The following EYA2 variants were observed in gnomAD, a reference collection of about 807,000 sequenced individuals.
The protein encoded by EYA2 is protein phosphatase EYA2.
In EYA2, 31 loss-of-function variants were observed where a neutral mutation model predicts 69.2. That is an observed-to-expected ratio of 0.45 (90% CI 0.34 to 0.60). The LOEUF is 0.60. Among genes scored for constraint, EYA2 ranks in the 20% least tolerant of loss-of-function variants. The pLI, the probability that EYA2 is intolerant of heterozygous loss-of-function variation, is 0.02. For synonymous variants in EYA2, 257 were observed against 279.4 expected (o/e 0.92, Z 0.80); for missense variants, 622 against 701.2 (o/e 0.89, Z 1.28).
intron 8 of EYA2, among the ~76,000 whole-genome samples, chr20:47,093,424 G>C (rs1294702658): frequency 1.3e-5 from 2 of 151,844 alleles, no homozygotes; most frequent in African/African-American, 4.9e-5. Flanking sequence ...CTCATCAGCA[G>C]CTTTCTCACA....
intron 5 of EYA2, among the ~76,000 whole-genome samples, chr20:47,051,611 T>A (rs2030333949): frequency 6.6e-6 from 1 of 152,246 alleles, no homozygotes; most frequent in South Asian, 2.1e-4. Context: ...CCTTCTCTGA[T>A]GACCCAACCC....
intron 1 of EYA2, among the ~76,000 whole-genome samples, chr20:46,952,796 A>C (rs1389296431): frequency 6.6e-6 from 1 of 152,200 alleles, no homozygotes; most frequent in African/African-American, 2.4e-5. Flanking sequence ...ACCTCATACC[A>C]GATCAGCCCC....
At chr20:47,059,091 G>A (rs938820066) in intron 5 of EYA2, among the ~76,000 whole-genome samples, 1 of 152,162 alleles carries the variant, frequency 6.6e-6, no homozygotes, top group Non-Finnish European at 1.5e-5. Context: ...TAAATAACAG[G>A]AGGGGTCTTG....
At chr20:47,004,821 A>T in intron 3 of EYA2, 121 bp from the exon 4 acceptor site, 1 of 1,304,850 alleles carries the variant, frequency 7.7e-7, no homozygotes, top group Non-Finnish European at 1.1e-6. Flanking sequence ...GTGAACATGT[A>T]TGTTGTCTCT....
intron 5 of EYA2, among the ~76,000 whole-genome samples, chr20:47,033,537 GGCTGCCTTTAGT>G (rs1418465016): frequency 6.6e-6 from 1 of 152,184 alleles, no homozygotes; most frequent in East Asian, 1.9e-4. Context: ...GAGTTGCTAT[GGCTGCCTTTAGT>G]GCTGTTCCTG....
chr20:47,094,593 G>C (rs1475395246), intron 8 of EYA2, among the ~76,000 whole-genome samples: 5 of 152,236 alleles, frequency 3.3e-5, no homozygotes, highest in Admixed American at 6.5e-5. Context: ...CCTCCAGAGA[G>C]TTTTAAAAGG....
At chr20:47,000,594 C>T (rs967956298) in intron 2 of EYA2, among the ~76,000 whole-genome samples, 6 of 152,194 alleles carry the variant, frequency 3.9e-5, no homozygotes, top group Admixed American at 6.5e-5. Flanking sequence ...TTCAAGATGA[C>T]GGAGCACAAA....
chr20:46,912,686 A>C lies in EYA2; in HGVS notation c.-11+17699A>C, dbSNP rs925166884. On this transcript the variant is annotated intron_variant, in intron 1 of 15. Transcript: ENST00000327619. Reference sequence around the variant, plus strand: ...GGTAGAACAGGGAAGAGGAATTTTTAATTTTTTTTTTTTTTCTTTTTTTTT... The same window carrying C: ...GGTAGAACAGGGAAGAGGAATTTTTCATTTTTTTTTTTTTTCTTTTTTTTT... Among the ~76,000 whole-genome samples the C allele has an allele frequency of 2.7e-4, 13 of 48,662 alleles. No individual in the cohort carries two copies. In the East Asian group the frequency reaches 0.014, roughly 51 times the overall value. The allele number at this position is 48,662 out of a possible 152,430, so 31.9% of individuals were successfully genotyped here.
intron 10 of EYA2, among the ~76,000 whole-genome samples, chr20:47,149,688 CAA>C (rs59780173): frequency 0.01 from 1,039 of 102,676 alleles, 9 homozygotes; most frequent in African/African-American, 0.035. Flanking sequence ...ACTAAAAATA[CAA>C]AAAAAAAAAA....
chr20:47,079,004 A>T (rs1167151268), intron 7 of EYA2, among the ~76,000 whole-genome samples: 1 of 152,376 alleles, frequency 6.6e-6, no homozygotes, highest in East Asian at 1.9e-4. Context: ...TTAAAAATTT[A>T]TTAATACTAT....
intron 12 of EYA2, among the ~76,000 whole-genome samples, chr20:47,174,135 G>A (rs900494156): frequency 6.6e-6 from 1 of 152,178 alleles, no homozygotes; most frequent in Non-Finnish European, 1.5e-5. Flanking sequence ...ACCAACCACT[G>A]GCCCATAAGG....
intron 9 of EYA2, among the ~76,000 whole-genome samples, chr20:47,135,275 A>G (rs1334020152): frequency 6.6e-6 from 1 of 152,006 alleles, no homozygotes; most frequent in Admixed American, 6.6e-5. Context: ...TTTTACAAAA[A>G]CGTATTTAAT....
In EYA2 at chr20:46,904,652, A is replaced by C. The variant is rs148909322; in HGVS notation, c.-11+9665A>C. 3.8e-3 allele frequency among the ~76,000 whole-genome samples: 583 copies of C among 152,342 alleles called. 4 individuals are homozygous for C. The highest frequency in any genetic ancestry group is 0.014 in the African/African-American group (565 of 41,566). On this transcript the variant is annotated intron_variant, in intron 1 of 15. Transcript: ENST00000327619. ...TCAACAAGCCTTAATGAATTGGAAAAGAAAAACAAAATATTTCTCATTTTT... is the reference window on the plus strand; with the variant it reads ...TCAACAAGCCTTAATGAATTGGAAACGAAAAACAAAATATTTCTCATTTTT...
At chr20:47,158,175 C>T (rs1172717108) in intron 10 of EYA2, among the ~76,000 whole-genome samples, 1 of 151,952 alleles carries the variant, frequency 6.6e-6, no homozygotes, top group African/African-American at 2.4e-5. Context: ...CCTCGTAACA[C>T]ACCTGCAAGC....
chr20:47,159,788 G>A (rs1351196617), intron 10 of EYA2, among the ~76,000 whole-genome samples: 6 of 152,104 alleles, frequency 3.9e-5, no homozygotes, highest in South Asian at 2.1e-4. Flanking sequence ...TCAGGAGTTC[G>A]AGACCAGTCT....
chr20:47,131,832 A>C (rs929470071), intron 9 of EYA2, among the ~76,000 whole-genome samples: 2 of 152,248 alleles, frequency 1.3e-5, no homozygotes, highest in Non-Finnish European at 2.9e-5. Context: ...AGTTTGTGCT[A>C]ATGTGTTATG....
chr20:47,012,549 A>G (rs1000550184), intron 4 of EYA2, among the ~76,000 whole-genome samples: 4 of 152,338 alleles, frequency 2.6e-5, no homozygotes, highest in Admixed American at 1.3e-4. Flanking sequence ...GCTGGAGTGC[A>G]TTGGCATGAT....
chr20:47,016,403 C>T (rs534295242), intron 5 of EYA2, 106 bp downstream of exon 5: 2 of 831,022 alleles, frequency 2.4e-6, no homozygotes, highest in South Asian at 1.4e-5. Flanking sequence ...CTACTATGTG[C>T]CAGGCTCTAT....
chr20:47,024,099 C>T (rs540428100), intron 5 of EYA2, among the ~76,000 whole-genome samples: 3 of 152,132 alleles, frequency 2.0e-5, no homozygotes, highest in Admixed American at 6.5e-5. Flanking sequence ...TTCTCCATGT[C>T]GAAAATCATA....
Sources: allele counts gnomAD v4.1 joint callset (sites outside exome capture counted in the v4.1 genomes callset), GRCh38; gene constraint gnomAD v4.1.1; transcripts MANE v1.5; gene names NCBI Gene and HGNC (gene_info 2026-07-23, HGNC 2026-07-21).